Variants in NMNAT2 observed in about 807,000 individuals in gnomAD.
NMNAT2 encodes nicotinamide/nicotinic acid mononucleotide adenylyltransferase 2.
A neutral mutation model predicts 41.6 loss-of-function variants in NMNAT2; 11 were observed. That is an observed-to-expected ratio of 0.26 (90% CI 0.17 to 0.44). NMNAT2 has a LOEUF of 0.44. NMNAT2 is among the 20% of genes least tolerant of loss of function. The pLI is 1.00. For synonymous variants in NMNAT2, 148 were observed against 151.2 expected (o/e 0.98, Z 0.16); for missense variants, 288 against 407.7 (o/e 0.71, Z 2.53).
At chr1:183,375,099 A>C (rs897294775) in intron 1 of NMNAT2, among the ~76,000 whole-genome samples, 1 of 152,128 alleles carries the variant, frequency 6.6e-6, no homozygotes, top group Admixed American at 6.6e-5. Context: ...CAATCACCAC[A>C]GCTTCCTAAC....
At chr1:183,298,763 T>A (rs1482362347) in intron 1 of NMNAT2, among the ~76,000 whole-genome samples, 1 of 152,138 alleles carries the variant, frequency 6.6e-6, no homozygotes, top group Non-Finnish European at 1.5e-5. Context: ...AGTCTAGTGG[T>A]TAGGAACAAC....
intron 1 of NMNAT2, among the ~76,000 whole-genome samples, chr1:183,357,526 G>A (rs1205063847): frequency 1.3e-5 from 2 of 152,130 alleles, no homozygotes; most frequent in Non-Finnish European, 2.9e-5. Flanking sequence ...ACCACGCCCG[G>A]CTGAGAGATA....
At chr1:183,278,020 T>C (rs1021856205) in intron 8 of NMNAT2, among the ~76,000 whole-genome samples, 1 of 152,210 alleles carries the variant, frequency 6.6e-6, no homozygotes, top group Non-Finnish European at 1.5e-5. Context: ...CAGTCAGATC[T>C]GGCAACAAAA....
rs187814389 is a variant in NMNAT2, at chr1:183,354,463, G to A, written c.86-60670C>T. The stretch of plus-strand genomic sequence containing the variant: ...ACTGTCTCACTCTGTCCAGGCTGGA[G>A]TGCAGTGGTGTGATCATGGCTCACT... On this transcript the variant is annotated intron_variant, in intron 1 of 10. Transcript: ENST00000287713. Among the ~76,000 whole-genome samples, 615 of 144,040 alleles carry A rather than the reference G, an allele frequency of 4.3e-3. 3 individuals are homozygous for A. The highest frequency in any genetic ancestry group is 7.3e-3 in the Non-Finnish European group (488 of 66,936). The allele number at this position is 144,040 out of a possible 152,430, so 94.5% of individuals were successfully genotyped here.
At chr1:183,313,796 A>C (rs1255890131) in intron 1 of NMNAT2, among the ~76,000 whole-genome samples, 1 of 152,228 alleles carries the variant, frequency 6.6e-6, no homozygotes, top group African/African-American at 2.4e-5. Flanking sequence ...AATGGGAAAT[A>C]TACCTTTTAA....
At chr1:183,264,414 A>G (rs963470632) in intron 8 of NMNAT2, among the ~76,000 whole-genome samples, 1 of 151,946 alleles carries the variant, frequency 6.6e-6, no homozygotes, top group African/African-American at 2.4e-5. Flanking sequence ...TCCTTTTCCA[A>G]AAACAGTGAC....
chr1:183,274,036 C>T (rs757108539), intron 8 of NMNAT2, among the ~76,000 whole-genome samples: 21 of 152,034 alleles, frequency 1.4e-4, no homozygotes, highest in Non-Finnish European at 2.2e-4. Context: ...CCTCAGCCAC[C>T]GGAGTAGCTG....
At chr1:183,292,672 G>T (rs1406562451) in intron 3 of NMNAT2, 118 bp downstream of exon 3, 1 of 878,884 alleles carries the variant, frequency 1.1e-6, no homozygotes, top group Non-Finnish European at 1.9e-6. Flanking sequence ...CTAATATCTT[G>T]CCCCTGCCTC....
chr1:183,272,680 T>A (rs966113103), intron 8 of NMNAT2, among the ~76,000 whole-genome samples: 1 of 151,946 alleles, frequency 6.6e-6, no homozygotes, highest in Non-Finnish European at 1.5e-5. Context: ...CAGTAGAGAG[T>A]GTGTGTTGGT....
At chr1:183,286,871 C>A in intron 4 of NMNAT2, 83 bp from the exon 5 acceptor site, 1 of 1,474,558 alleles carries the variant, frequency 6.8e-7, no homozygotes, top group South Asian at 1.4e-5. Context: ...ATCTGCTTGT[C>A]CATCATGGAG....
chr1:183,293,273 G>T (rs368391915), intron 2 of NMNAT2, among the ~76,000 whole-genome samples: 1 of 152,212 alleles, frequency 6.6e-6, no homozygotes, highest in African/African-American at 2.4e-5. Flanking sequence ...GCCGGGACAC[G>T]TGGCAGGGAG....
intron 1 of NMNAT2, among the ~76,000 whole-genome samples, chr1:183,370,026 C>T (rs764361701): frequency 6.6e-6 from 1 of 151,874 alleles, no homozygotes; most frequent in Non-Finnish European, 1.5e-5. Flanking sequence ...AACAGAGGAC[C>T]CTCCAAGGAG....
At chr1:183,378,995 A>G (rs1378479664) in intron 1 of NMNAT2, among the ~76,000 whole-genome samples, 4 of 152,084 alleles carry the variant, frequency 2.6e-5, no homozygotes, top group Non-Finnish European at 2.9e-5. Flanking sequence ...AGTGATCTCA[A>G]TCACACCACT....
At position 183,261,089 on chromosome 1, in the gene NMNAT2, A is replaced by G; in HGVS notation, c.754-20T>C. Reference sequence around the variant, plus strand: ...GTTGTTCTGAGGACAGAGCAGACAGAGTCAGTTGCCAGTCCCTCCCACTAA... The same window carrying G: ...GTTGTTCTGAGGACAGAGCAGACAGGGTCAGTTGCCAGTCCCTCCCACTAA... On this transcript the variant is annotated intron_variant, in intron 9 of 10. Transcript: ENST00000287713. 5 of 1,611,830 alleles carry G rather than the reference A, an allele frequency of 3.1e-6. No individual in the cohort carries two copies. The highest frequency in any genetic ancestry group is 4.2e-6 in the Non-Finnish European group (5 of 1,177,876).
At chr1:183,253,698 C>T (rs1571551877) in intron 10 of NMNAT2, among the ~76,000 whole-genome samples, 1 of 152,112 alleles carries the variant, frequency 6.6e-6, no homozygotes, top group East Asian at 1.9e-4. Flanking sequence ...ATCTATATCT[C>T]CCCACTTTCA....
At chr1:183,279,295 C>T (rs929524177) in intron 7 of NMNAT2, among the ~76,000 whole-genome samples, 1 of 152,170 alleles carries the variant, frequency 6.6e-6, no homozygotes, top group Non-Finnish European at 1.5e-5. Context: ...CCCAGTGAGG[C>T]CCATTGTTGT....
chr1:183,334,815 C>A (rs1396445778), intron 1 of NMNAT2, among the ~76,000 whole-genome samples: 1 of 152,168 alleles, frequency 6.6e-6, no homozygotes, highest in Non-Finnish European at 1.5e-5. Context: ...TGGCCCAAGG[C>A]CACCCATTCT....
chr1:183,402,365 G>C (rs1054278653), intron 1 of NMNAT2, among the ~76,000 whole-genome samples: 2 of 152,156 alleles, frequency 1.3e-5, no homozygotes, highest in African/African-American at 4.8e-5. Context: ...AAAATAATAA[G>C]ACCATCTTGA....
At chr1:183,382,823 T>C (rs894924830) in intron 1 of NMNAT2, among the ~76,000 whole-genome samples, 7 of 152,186 alleles carry the variant, frequency 4.6e-5, no homozygotes, top group Non-Finnish European at 2.9e-5. Context: ...GGGTACAGCC[T>C]CCTCAGCTGC....
Sources: gnomAD v4.1 joint callset for allele counts (sites outside exome capture counted in the v4.1 genomes callset) on GRCh38, gnomAD v4.1.1 for gene constraint, MANE v1.5 for transcripts, NCBI Gene and HGNC (gene_info 2026-07-23, HGNC 2026-07-21) for gene names.